CCDC13: variants seen among roughly 807,000 people sequenced by gnomAD.
CCDC13 encodes the protein coiled-coil domain containing 13, also known as coiled-coil domain-containing protein 13.
A neutral mutation model predicts 87.3 loss-of-function variants in CCDC13; 70 were observed. That is an observed-to-expected ratio of 0.80 (90% confidence interval 0.66 to 0.98). CCDC13 has a LOEUF of 0.98. Among genes scored for constraint, CCDC13 ranks in the 50% least tolerant of loss-of-function variants. The probability of loss-of-function intolerance (pLI) is 0.00; values close to 1 mark genes in which losing one functional copy is unlikely to be tolerated. For missense variants in CCDC13, 842 were observed against 892.0 expected, an observed-to-expected ratio of 0.94 and a Z score of 0.71; for synonymous variants, 317 against 360.3, an observed-to-expected ratio of 0.88 and a Z score of 1.36.
chr3:42,736,076 G>T (rs1575297306), intron 9 of CCDC13, among the ~76,000 whole-genome samples, 163 bp from the exon 10 acceptor site: 1 of 152,230 alleles, frequency 6.6e-6, no homozygotes. Flanking sequence ...TGCCATCAGG[G>T]GATGTTGAAT....
rs569326834 is a variant in CCDC13 at position 42,761,841 on chromosome 3, C to T, written c.-6-3490G>A. 1.7e-3 allele frequency among the ~76,000 whole-genome samples: 265 copies of T among 152,290 alleles called. 1 individual carries two copies. Among genetic ancestry groups the T allele is most frequent in the Non-Finnish European group, 2.7e-3 (181 of 68,016 alleles). On this transcript the variant is annotated intron_variant, in intron 1 of 15. Transcript: ENST00000310232. ...TCTGTTCCTATACCTCCTTCTCCCC[C>T]CAAGGCTTAAATCTTGCTGGTCCTC...
chr3:42,705,911 G>A lies in CCDC13; in HGVS notation c.*3069C>T, dbSNP rs1698166527. 1 of 152,298 alleles carries A rather than the reference G, an allele frequency of 6.6e-6. No homozygotes were observed. The highest frequency in any genetic ancestry group is 1.5e-5 in the Non-Finnish European group (1 of 68,128). The allele number at this position is 152,298 out of a possible 1,614,324, so 9.4% of individuals were successfully genotyped here. A position where few individuals can be genotyped will look rare whatever the true frequency, so the allele number is the denominator to read the frequency against. On this transcript the variant is annotated 3_prime_UTR_variant, in exon 16 of 16. Coordinates refer to ENST00000310232, the MANE Select transcript of CCDC13 (RefSeq NM_144719.4). ...ACTCCTCCTTGCTCCTTTGCCTCAGGGAGATGTGAAGCCCCCTCTCTACCC... is the reference window on the plus strand; with the variant it reads ...ACTCCTCCTTGCTCCTTTGCCTCAGAGAGATGTGAAGCCCCCTCTCTACCC...
chr3:42,711,246 C>CAAAAAAAAAAAAAAAAA (rs1174084143), intron 14 of CCDC13, among the ~76,000 whole-genome samples: 9 of 75,328 alleles, frequency 1.2e-4, no homozygotes, highest in African/African-American at 5.0e-4. Context: ...ACTCTGTCTC[C>CAAAAAAAAAAAAAAAAA]AAAAAAAAAA....
At chr3:42,721,514 G>A (rs1356310719) in intron 13 of CCDC13, among the ~76,000 whole-genome samples, 1 of 152,172 alleles carries the variant, frequency 6.6e-6, no homozygotes, top group Non-Finnish European at 1.5e-5. Context: ...CTGATCCTTT[G>A]TTTTGTTTTT....
intron 1 of CCDC13, among the ~76,000 whole-genome samples, chr3:42,771,238 A>G (rs944060236): frequency 6.6e-6 from 1 of 152,228 alleles, no homozygotes; most frequent in African/African-American, 2.4e-5. Context: ...TGCAAACTGT[A>G]TAATATTCTG....
At chr3:42,736,328 G>A (rs560294344) in intron 9 of CCDC13, among the ~76,000 whole-genome samples, 2 of 152,306 alleles carry the variant, frequency 1.3e-5, no homozygotes, top group East Asian at 1.9e-4. Context: ...CTCATCCCAA[G>A]GAAAAGCCCT....
chr3:42,760,049 T>C (rs1699795701), intron 1 of CCDC13, among the ~76,000 whole-genome samples: 1 of 152,104 alleles, frequency 6.6e-6, no homozygotes, highest in South Asian at 2.1e-4. Flanking sequence ...CCCATCCCTC[T>C]AGGAGGCCGA....
intron 1 of CCDC13, among the ~76,000 whole-genome samples, chr3:42,772,267 CAAAAAA>C (rs869064282): frequency 8.8e-6 from 1 of 113,872 alleles, no homozygotes; most frequent in African/African-American, 3.4e-5. Flanking sequence ...GAGACTCCGT[CAAAAAA>C]AAAAAAAAAA....
At chr3:42,727,048 C>T (rs1310874423) in intron 13 of CCDC13, among the ~76,000 whole-genome samples, 1 of 152,130 alleles carries the variant, frequency 6.6e-6, no homozygotes, top group Non-Finnish European at 1.5e-5. Flanking sequence ...CTCTTAAATT[C>T]TCATTCAAGA....
At chr3:42,712,410 C>T (rs912566167) in intron 14 of CCDC13, among the ~76,000 whole-genome samples, 4 of 152,178 alleles carry the variant, frequency 2.6e-5, no homozygotes, top group Admixed American at 2.6e-4. Context: ...CCCAGCCCCA[C>T]AGGATGCTGA....
intron 7 of CCDC13, 185 bp downstream of exon 7, chr3:42,745,738 A>C (rs890687087): frequency 1.4e-5 from 7 of 511,940 alleles, no homozygotes; most frequent in Non-Finnish European, 2.1e-5. Flanking sequence ...TGTTCATTAA[A>C]TAACAAATTA....
intron 5 of CCDC13, among the ~76,000 whole-genome samples, chr3:42,750,879 C>T (rs142674583): frequency 1.6e-3 from 249 of 152,296 alleles, no homozygotes; most frequent in Middle Eastern, 6.8e-3. Flanking sequence ...GTGCTCAATG[C>T]GTGGAATAAA....
chr3:42,721,942 T>C (rs979917232), intron 13 of CCDC13, among the ~76,000 whole-genome samples: 2 of 152,192 alleles, frequency 1.3e-5, no homozygotes, highest in African/African-American at 4.8e-5. Context: ...ATTCTGGGCA[T>C]GTATTGGAAT....
chr3:42,767,419 A>G (rs980781091), intron 1 of CCDC13, among the ~76,000 whole-genome samples: 1 of 152,252 alleles, frequency 6.6e-6, no homozygotes, highest in East Asian at 1.9e-4. Flanking sequence ...ACTATAAACT[A>G]TAAAACTCTG....
At chr3:42,728,126 G>A (rs1439148036) in intron 13 of CCDC13, among the ~76,000 whole-genome samples, 2 of 152,222 alleles carry the variant, frequency 1.3e-5, no homozygotes, top group Admixed American at 1.3e-4. Flanking sequence ...GAAAGAACTT[G>A]TTTTCAGACA....
In CCDC13 at chr3:42,747,326, G is replaced by C; in HGVS notation, c.651C>G (p.Thr217=). Residue 217 remains threonine (T), a synonymous_variant, in exon 6 of 16, where the codon ACC becomes ACG. Transcript: ENST00000310232. ...VKALQDRLVA[T]NLKMSDLRNQ... ...TTCGGAGGTCACTCATCTTCAAGTT[G>C]GTGGCCACCAGCCTGTCCTGCAGGG... 6.2e-7 allele frequency: 1 copy of C among 1,614,122 alleles called. No homozygotes were observed.
Position 42,732,972 on chromosome 3 carries a change from T to C in CCDC13, c.1512-2A>G, listed in dbSNP as rs1055891366. 8 of 1,551,850 alleles carry C rather than the reference T, an allele frequency of 5.2e-6. No homozygotes were observed. The Admixed American group carries it at 5.9e-5, about 11-fold the overall frequency. The stretch of plus-strand genomic sequence containing the variant: ...GTGTGGCCCAGGCTGGTCACAGAGC[T>C]GTGTAAAGGCGGAAGGGGCCCATCA... On this transcript the variant is annotated splice_acceptor_variant, in intron 11 of 15. Coordinates refer to ENST00000310232, the MANE Select transcript of CCDC13 (RefSeq NM_144719.4). LOFTEE classifies it high-confidence loss of function.
rs530423995 is a variant in CCDC13 at position 42,752,694 on chromosome 3, C to A, written c.394G>T (p.Val132Leu). ...FTGTAGVAGDVVATKIVELSK... is the reference protein window; with the variant it reads ...FTGTAGVAGDLVATKIVELSK... ...AGCTCCACAATTTTGGTGGCGACCA[C>A]GTCTCCGGCTACACCGGCTGTCCCT... The change falls in exon 4 of 16, where the codon GTG becomes TTG. Residue 132 changes from valine (V) to leucine (L), a missense_variant. Physicochemically the swap from Val to Leu is conservative, Grantham distance 32. Transcript: ENST00000310232. 1.9e-5 allele frequency: 31 copies of A among 1,614,012 alleles called. No homozygotes were observed. The African/African-American group carries it at 3.9e-4, about 20-fold the overall frequency.
At position 42,713,182 on chromosome 3, in the gene CCDC13, G is replaced by T. The variant is rs916819488; in HGVS notation, c.1853C>A (p.Ala618Glu). 6.2e-7 allele frequency: 1 copy of T among 1,614,116 alleles called. No individual in the cohort carries two copies. Among genetic ancestry groups the T allele is most frequent in the Admixed American group, 1.7e-5 (1 of 60,020 alleles). ...CCTACCTGTTTTGGTCCTGGGAGCT[G>T]CTCTCTGGGAGGCTGATGCCTTCCC... is the stretch of plus-strand genomic sequence containing the variant. ...EPGKASASQR[A>E]APRTKTGLPT... is the part of the protein sequence containing the mutation. The change falls in exon 14 of 16, where the codon GCA becomes GAA. Residue 618 changes from alanine (A) to glutamate (E), a missense_variant. Coordinates refer to ENST00000310232, the MANE Select transcript of CCDC13 (RefSeq NM_144719.4).
Sources: allele counts gnomAD v4.1 joint callset (sites outside exome capture counted in the v4.1 genomes callset), GRCh38; gene constraint gnomAD v4.1.1; transcripts MANE v1.5; gene names NCBI Gene and HGNC (gene_info 2026-07-23, HGNC 2026-07-21).